Variants in ATP11C observed in about 807,000 individuals in gnomAD.
ATP11C encodes ATPase phospholipid transporting 11C (ATP11C blood group).
In ATP11C, 36 loss-of-function variants were observed where a neutral mutation model predicts 97.4. That is an observed-to-expected ratio of 0.37 (90% CI 0.28 to 0.49). ATP11C has a LOEUF of 0.49. Among genes scored for constraint, ATP11C ranks in the 20% least tolerant of loss-of-function variants. The pLI is 0.98. For synonymous variants in ATP11C, 275 were observed against 290.9 expected, an observed-to-expected ratio of 0.95 and a Z score of 0.56; for missense variants, 730 against 824.6, an observed-to-expected ratio of 0.89 and a Z score of 1.40.
At chrX:139,920,290 C>T (rs1200130745) in intron 1 of ATP11C, among the ~76,000 whole-genome samples, 1 of 103,757 alleles carries the variant, frequency 9.6e-6, no homozygotes, top group Non-Finnish European at 2.0e-5. Context: ...CCAGGAGGCA[C>T]AGGTTGCAGT....
At chrX:139,823,059 A>C (rs1427174369) in intron 2 of ATP11C, among the ~76,000 whole-genome samples, 3 of 110,150 alleles carry the variant, frequency 2.7e-5, no homozygotes, top group Non-Finnish European at 5.7e-5. Context: ...TCTATTAAAA[A>C]CACAAAAAAT....
intron 5 of ATP11C, among the ~76,000 whole-genome samples, chrX:139,813,745 A>G (rs897425671): frequency 2.7e-5 from 3 of 111,601 alleles, no homozygotes; most frequent in Non-Finnish European, 5.7e-5. Flanking sequence ...GCTGGTTACC[A>G]TGGGTTGGGG....
At chrX:139,858,602 T>G (rs1016126230) in intron 1 of ATP11C, among the ~76,000 whole-genome samples, 1 of 112,237 alleles carries the variant, frequency 8.9e-6, no homozygotes, top group Admixed American at 9.5e-5. Flanking sequence ...CGTTTGAGGG[T>G]TTATGTTTCA....
chrX:139,814,649 C>T (rs755192451), intron 5 of ATP11C, among the ~76,000 whole-genome samples: 1 of 111,392 alleles, frequency 9.0e-6, no homozygotes, highest in South Asian at 3.8e-4. Context: ...AGAATACATA[C>T]ATCCATAGGG....
chrX:139,916,228 TAAA>T, intron 1 of ATP11C, among the ~76,000 whole-genome samples: 1 of 91,863 alleles, frequency 1.1e-5, no homozygotes, highest in Admixed American at 1.3e-4. Flanking sequence ...GACTCTGTCT[TAAA>T]AAAAAAAAAA....
intron 1 of ATP11C, among the ~76,000 whole-genome samples, chrX:139,847,722 C>T (rs1056496658): frequency 2.8e-5 from 3 of 106,904 alleles, no homozygotes; most frequent in South Asian, 4.2e-4. Flanking sequence ...AAAAAAACTA[C>T]GTCCTATAGA....
intron 12 of ATP11C, 150 bp from the exon 13 acceptor site, chrX:139,789,638 C>A: frequency 4.8e-6 from 2 of 415,666 alleles, no homozygotes; most frequent in Non-Finnish European, 8.0e-6. Flanking sequence ...GACAATATTA[C>A]CAAAGAAATG....
At chrX:139,824,690 C>G (rs1366147280) in intron 2 of ATP11C, among the ~76,000 whole-genome samples, 4 of 110,638 alleles carry the variant, frequency 3.6e-5, no homozygotes, top group Admixed American at 9.6e-5. Flanking sequence ...CTGTCTCCCC[C>G]CCACAAAAAA....
Position 139,763,733 on chromosome X carries a change from C to T in ATP11C, c.2392-315G>A, listed in dbSNP as rs113921805. ...GTATTATTTTTATTGTTATACTGTT[C>T]GTTGTTTTAGTTTTATTCTAATATT... is the stretch of plus-strand genomic sequence containing the variant. On this transcript the variant is annotated intron_variant, in intron 20 of 29. Transcript: ENST00000682941. 3.0e-3 allele frequency among the ~76,000 whole-genome samples: 330 copies of T among 111,604 alleles called. 2 individuals are homozygous for T. Among genetic ancestry groups the T allele is most frequent in the African/African-American group, 8.9e-3 (273 of 30,746 alleles).
intron 23 of ATP11C, among the ~76,000 whole-genome samples, chrX:139,751,053 T>C: frequency 8.9e-6 from 1 of 112,336 alleles, no homozygotes; most frequent in Non-Finnish European, 1.9e-5. Context: ...ATAAAATGCA[T>C]TAAACTATGA....
At chrX:139,889,212 T>A (rs2084692066) in intron 1 of ATP11C, among the ~76,000 whole-genome samples, 1 of 112,058 alleles carries the variant, frequency 8.9e-6, no homozygotes, top group Non-Finnish European at 1.9e-5. Context: ...TATAGTGTTA[T>A]CTCTTTAATG....
intron 1 of ATP11C, among the ~76,000 whole-genome samples, chrX:139,928,824 T>G (rs1286418373): frequency 8.9e-6 from 1 of 112,002 alleles, no homozygotes; most frequent in African/African-American, 3.2e-5. Context: ...AATGCATACC[T>G]GTTAACTATC....
At chrX:139,828,087 A>G (rs1452398983) in intron 1 of ATP11C, among the ~76,000 whole-genome samples, 1 of 111,718 alleles carries the variant, frequency 9.0e-6, no homozygotes, top group Non-Finnish European at 1.9e-5. Context: ...CAGGCTGTAT[A>G]TAACTCTGGA....
chrX:139,795,106 T>G (rs1372439213), intron 12 of ATP11C, among the ~76,000 whole-genome samples: 2 of 111,883 alleles, frequency 1.8e-5, no homozygotes, highest in Non-Finnish European at 3.8e-5. Context: ...TAAAAGACAA[T>G]GGTCAGGTAC....
chrX:139,750,196 C>T, intron 23 of ATP11C, 44 bp from the exon 24 acceptor site: 1 of 1,115,956 alleles, frequency 9.0e-7, no homozygotes, highest in Non-Finnish European at 1.2e-6. Flanking sequence ...TTTCATGTAA[C>T]AATCATCTAC....
intron 1 of ATP11C, among the ~76,000 whole-genome samples, chrX:139,924,420 T>C (rs897248343): frequency 3.6e-5 from 4 of 111,956 alleles, no homozygotes; most frequent in African/African-American, 1.3e-4. Context: ...AGTCATTTCC[T>C]TTCACTGAAA....
At chrX:139,752,257 A>G (rs67662216) in intron 23 of ATP11C, among the ~76,000 whole-genome samples, 5,556 of 111,314 alleles carry the variant, frequency 0.05, 241 homozygotes, top group East Asian at 0.29. Flanking sequence ...AGCATGTATC[A>G]GTACCCAACA....
At chrX:139,815,790 C>T (rs764211123) in intron 4 of ATP11C, among the ~76,000 whole-genome samples, 1 of 110,667 alleles carries the variant, frequency 9.0e-6, no homozygotes, top group South Asian at 3.8e-4. Flanking sequence ...TCATCGCCTC[C>T]CCCCACTTTT....
chrX:139,913,954 A>C (rs989932063), intron 1 of ATP11C, among the ~76,000 whole-genome samples: 8 of 112,167 alleles, frequency 7.1e-5, no homozygotes, highest in African/African-American at 2.6e-4. Flanking sequence ...AATACCGTCA[A>C]ATGTGCAATC....
Sources: gnomAD v4.1 joint callset for allele counts (sites outside exome capture counted in the v4.1 genomes callset) on GRCh38, gnomAD v4.1.1 for gene constraint, MANE v1.5 for transcripts, NCBI Gene and HGNC (gene_info 2026-07-23, HGNC 2026-07-21) for gene names.